GHRHR: variants seen among roughly 807,000 people sequenced by gnomAD.
The protein encoded by GHRHR is growth hormone releasing hormone receptor, also known as growth hormone-releasing hormone receptor.
GHRHR carries 40 observed loss-of-function variants against 58.3 expected under a neutral mutation model. The observed-to-expected ratio is 0.69, with a 90% CI of 0.53 to 0.89. The LOEUF (loss-of-function observed/expected upper bound fraction) is 0.89, where lower values mean the gene tolerates loss of function less well. GHRHR is among the 40% of genes least tolerant of loss of function. GHRHR has a pLI of 0.00. For missense variants in GHRHR, 551 were observed against 541.3 expected (o/e 1.02, Z -0.18); for synonymous variants, 249 against 216.6 (o/e 1.15, Z -1.31).
chr7:30,969,384 A>G (rs1278628738), intron 3 of GHRHR: 2 of 621,100 alleles, frequency 3.2e-6, no homozygotes, highest in Admixed American at 2.4e-5. Context: ...AAAGTATTAG[A>G]GTGCAGAACC....
chr7:30,965,321 C>G (rs143114132), intron 1 of GHRHR, among the ~76,000 whole-genome samples: 11 of 152,296 alleles, frequency 7.2e-5, no homozygotes, highest in Non-Finnish European at 1.3e-4. Flanking sequence ...TGGGCATCAT[C>G]CCCTGCAGAT....
At position 30,969,139 on chromosome 7, in the gene GHRHR, G is replaced by A. The variant is rs28371558; in HGVS notation, c.237G>A (p.Pro79=). The A allele has an allele frequency of 6.7e-4, 1,058 of 1,572,150 alleles. 3 individuals are homozygous for A. In the African/African-American group the frequency reaches 0.011, roughly 16 times the overall value. The change falls in exon 3 of 13, where the codon CCG becomes CCA. Residue 79 remains proline, a synonymous_variant. Coordinates refer to ENST00000326139, the MANE Select transcript of GHRHR (RefSeq NM_000823.4). Reference sequence around the variant, plus strand: ...GCGAGTGGGTCACCCTCCCCTGCCCGGATTTCTTCTCTCACTTCAGCTCAG... The same window carrying A: ...GCGAGTGGGTCACCCTCCCCTGCCCAGATTTCTTCTCTCACTTCAGCTCAG... ...GSGEWVTLPC[P]DFFSHFSSES... is the part of the protein sequence containing the mutation.
At chr7:30,964,924 C>CTTATTGGAGGGT (rs1468519530) in intron 1 of GHRHR, among the ~76,000 whole-genome samples, 1 of 152,154 alleles carries the variant, frequency 6.6e-6, no homozygotes, top group Non-Finnish European at 1.5e-5. Context: ...ATTCTTCCTC[C>CTTATTGGAGGGT]GCTGCCTTAT....
Position 30,975,042 on chromosome 7 carries a change from T to C in GHRHR, c.882+2T>C. On this transcript the variant is annotated splice_donor_variant, in intron 9 of 12. Coordinates refer to ENST00000326139, the MANE Select transcript of GHRHR (RefSeq NM_000823.4). LOFTEE classifies it high-confidence loss of function. ...GGGCCCATTGTCCTCTCGGTCGGGG[T>C]CAGTCCCTGGGCCAGTGCCCTTTGC... 3.1e-6 allele frequency: 5 copies of C among 1,604,352 alleles called. No individual in the cohort carries two copies. Among genetic ancestry groups the C allele is most frequent in the Non-Finnish European group, 4.3e-6 (5 of 1,171,154 alleles).
intron 1 of GHRHR, among the ~76,000 whole-genome samples, chr7:30,966,909 T>C (rs191339959): frequency 6.6e-6 from 1 of 152,216 alleles, no homozygotes; most frequent in African/African-American, 2.4e-5. Flanking sequence ...CCCAAAGTGC[T>C]GGGATTACAG....
chr7:30,974,247 G>C lies in GHRHR; in HGVS notation c.751+109G>C, dbSNP rs540914647. 16 of 1,290,768 alleles carry C rather than the reference G, an allele frequency of 1.2e-5. No individual in the cohort carries two copies. The South Asian group carries it at 1.7e-4, about 14-fold the overall frequency. The allele number at this position is 1,290,768 out of a possible 1,614,324, so 80.0% of individuals were successfully genotyped here. On this transcript the variant is annotated intron_variant, in intron 7 of 12. Transcript: ENST00000326139. ...TCACTCTGAGGCCCAGAGAAGGAGA[G>C]GGACAGGCCACAGTCCGGCAGCAAG... is the stretch of plus-strand genomic sequence containing the variant.
chr7:30,973,193 A>T (rs1370031841), intron 6 of GHRHR, among the ~76,000 whole-genome samples: 1 of 152,238 alleles, frequency 6.6e-6, no homozygotes, highest in Non-Finnish European at 1.5e-5. Context: ...GTGGATCATC[A>T]TGAAGGTCTT....
intron 8 of GHRHR, among the ~76,000 whole-genome samples, 162 bp downstream of exon 8, chr7:30,974,651 C>T (rs1792541811): frequency 6.6e-6 from 1 of 152,004 alleles, no homozygotes; most frequent in Non-Finnish European, 1.5e-5. Flanking sequence ...ACAGAAGGGG[C>T]ATGAGCCAGG....
intron 9 of GHRHR, among the ~76,000 whole-genome samples, 162 bp downstream of exon 9, chr7:30,975,202 C>T (rs1347009825): frequency 6.6e-6 from 1 of 152,170 alleles, no homozygotes; most frequent in Non-Finnish European, 1.5e-5. Flanking sequence ...CTCTGGGCCT[C>T]AGTATCCCAT....
chr7:30,976,552 C>T lies in GHRHR; in HGVS notation c.1098C>T (p.Ser366=), dbSNP rs919375155. ...TCCCCCTGGAGCTGGGACTGGGTTC[C>T]TTCCAGGTGAGGGCCCCCACAGGCA... ...IRLPLELGLG[S]FQGFIVAILY... The change falls in exon 11 of 13, where the codon TCC becomes TCT. Residue 366 remains serine, a synonymous_variant. Transcript: ENST00000326139. The T allele has an allele frequency of 9.3e-6, 15 of 1,613,310 alleles. No individual in the cohort carries two copies. Among genetic ancestry groups the T allele is most frequent in the Non-Finnish European group, 1.3e-5 (15 of 1,179,632 alleles).
At chr7:30,969,495 C>A (rs1792436378) in intron 3 of GHRHR, 6 of 596,228 alleles carry the variant, frequency 1.0e-5, no homozygotes. Context: ...CCACCAACTG[C>A]CCAGGATGGA....
At chr7:30,969,793 G>T (rs763538679) in intron 3 of GHRHR, 74 bp from the exon 4 acceptor site, 1 of 1,426,730 alleles carries the variant, frequency 7.0e-7, no homozygotes, top group Non-Finnish European at 9.9e-7. Flanking sequence ...GTCACTTGAT[G>T]GTCCCTGGCA....
At chr7:30,977,934 G>T (rs1442069330) in intron 12 of GHRHR, among the ~76,000 whole-genome samples, 1 of 152,234 alleles carries the variant, frequency 6.6e-6, no homozygotes, top group East Asian at 1.9e-4. Context: ...GACGCAAAGT[G>T]AATTCCACCC....
At chr7:30,976,626 G>A (rs997224005) in intron 11 of GHRHR, 68 bp downstream of exon 11, 12 of 1,420,434 alleles carry the variant, frequency 8.4e-6, no homozygotes, top group Non-Finnish European at 1.1e-5. Context: ...TTGCCCACGG[G>A]CCTTGGCTGA....
chr7:30,973,190 A>C (rs546580705), intron 6 of GHRHR, among the ~76,000 whole-genome samples: 1 of 152,376 alleles, frequency 6.6e-6, no homozygotes, highest in Non-Finnish European at 1.5e-5. Flanking sequence ...GAAGTGGATC[A>C]TCATGAAGGT....
chr7:30,973,491 G>A (rs1279543429), intron 6 of GHRHR, among the ~76,000 whole-genome samples: 3 of 152,214 alleles, frequency 2.0e-5, no homozygotes, highest in African/African-American at 7.2e-5. Flanking sequence ...TGAACTCAGA[G>A]GTGGTCCTGC....
At chr7:30,969,810 G>A (rs910300397) in intron 3 of GHRHR, 57 bp from the exon 4 acceptor site, 37 of 1,565,024 alleles carry the variant, frequency 2.4e-5, no homozygotes, top group Non-Finnish European at 3.0e-5. Context: ...GGCACCCCCA[G>A]CCCCCTCCTG....
Position 30,972,028 on chromosome 7 carries a change from G to A in GHRHR, c.530G>A (p.Gly177Glu), listed in dbSNP as rs1438831840. The A allele has an allele frequency of 6.2e-7, 1 of 1,614,032 alleles. No individual in the cohort carries two copies. Among genetic ancestry groups the A allele is most frequent in the South Asian group, 1.1e-5 (1 of 91,072 alleles). Reference protein sequence around the residue: ...QLFTTFILKAGAVFLKDAALF... With the variant: ...QLFTTFILKAEAVFLKDAALF... ...TTCACCACTTTTATCCTCAAGGCGG[G>A]AGCTGTGTTCCTGAAGGATGCTGCC... is the stretch of plus-strand genomic sequence containing the variant. Residue 177 changes from glycine (G) to glutamate (E), a missense_variant, in exon 6 of 13, where the codon GGA becomes GAA. Physicochemically the swap from Gly to Glu is moderately conservative, Grantham distance 98. Coordinates refer to ENST00000326139, the MANE Select transcript of GHRHR (RefSeq NM_000823.4).
In GHRHR at chr7:30,965,298, C is replaced by T. The variant is rs148613533; in HGVS notation, c.57+1173C>T. On this transcript the variant is annotated intron_variant, in intron 1 of 12. Coordinates refer to ENST00000326139, the MANE Select transcript of GHRHR (RefSeq NM_000823.4). Reference sequence around the variant, plus strand: ...TAGTACCAAAGCTAGAACTCAATCACTGTTTGCCAGTGTGGGCATCATCCC... The same window carrying T: ...TAGTACCAAAGCTAGAACTCAATCATTGTTTGCCAGTGTGGGCATCATCCC... Among the ~76,000 whole-genome samples the T allele has an allele frequency of 3.5e-3, 536 of 152,296 alleles. 3 individuals are homozygous for T. Among genetic ancestry groups the T allele is most frequent in the African/African-American group, 0.012 (490 of 41,554 alleles).
Sources: gnomAD v4.1 joint callset for allele counts (sites outside exome capture counted in the v4.1 genomes callset) on GRCh38, gnomAD v4.1.1 for gene constraint, MANE v1.5 for transcripts, NCBI Gene and HGNC (gene_info 2026-07-23, HGNC 2026-07-21) for gene names.